Variants in WDR19 observed in about 807,000 individuals in gnomAD.
The protein encoded by WDR19 is WD repeat domain 19, also known as WD repeat-containing protein 19.
WDR19 carries 121 observed loss-of-function variants against 180.0 expected under a neutral mutation model. The observed-to-expected ratio is 0.67, with a 90% CI of 0.58 to 0.78. The LOEUF (loss-of-function observed/expected upper bound fraction) is 0.78. Ranked by LOEUF, WDR19 falls within the 30% of genes least tolerant of loss-of-function variation. The pLI is 0.00. For synonymous variants in WDR19, 497 were observed against 540.7 expected (o/e 0.92, Z 1.12); for missense variants, 1,450 against 1,640.7 (o/e 0.88, Z 2.01).
Position 39,185,763 on chromosome 4 carries a change from C to T in WDR19, c.44C>T (p.Ala15Val), listed in dbSNP as rs747580252. 1.4e-5 allele frequency: 22 copies of T among 1,559,470 alleles called. 2 individuals carry two copies. The South Asian group carries it at 2.5e-4, about 18-fold the overall frequency. Residue 15 changes from alanine (A) to valine (V), a missense_variant, in exon 2 of 37, where the codon GCA (alanine) becomes GTA (valine). Physicochemically the swap from Ala to Val is moderately conservative, Grantham distance 64. Transcript: ENST00000399820. Reference sequence around the variant, plus strand: ...CTGCTAGAAAAGACTTGGCTTGGCGCACCAATACAGTTTGCCTGGCAAAAA... The same window carrying T: ...CTGCTAGAAAAGACTTGGCTTGGCGTACCAATACAGTTTGCCTGGCAAAAA... ...FSLLEKTWLG[A>V]PIQFAWQKTS...
At chr4:39,214,477 A>C (rs2109322303) in intron 9 of WDR19, 124 bp from the exon 10 acceptor site, 1 of 563,440 alleles carries the variant, frequency 1.8e-6, no homozygotes, top group Admixed American at 3.6e-5. Flanking sequence ...AACCCAGTAG[A>C]TCATTCTGTA....
chr4:39,205,516 G>T, intron 8 of WDR19, 47 bp from the exon 9 acceptor site: 1 of 1,568,194 alleles, frequency 6.4e-7, no homozygotes, highest in Non-Finnish European at 8.6e-7. Flanking sequence ...TGTTGCCACT[G>T]ATAGCTAATC....
At chr4:39,218,389 C>CT in intron 14 of WDR19, 1 of 401,998 alleles carries the variant, frequency 2.5e-6, no homozygotes, top group Non-Finnish European at 4.5e-6. Flanking sequence ...GTGGTAGAGC[C>CT]TATTGCTCCT....
At chr4:39,185,902 GT>G (rs1047316810) in intron 2 of WDR19, 85 bp downstream of exon 2, 29 of 827,582 alleles carry the variant, frequency 3.5e-5, no homozygotes, top group Middle Eastern at 5.5e-4. Flanking sequence ...TTTTGTTGTT[GT>G]TTTTTTTTTT....
chr4:39,278,332 C>T, intron 35 of WDR19, 125 bp downstream of exon 35: 1 of 1,020,942 alleles, frequency 9.8e-7, no homozygotes, highest in Non-Finnish European at 1.4e-6. Flanking sequence ...CTCAAATTGT[C>T]TTCTGGGAAG....
intron 23 of WDR19, 50 bp downstream of exon 23, chr4:39,244,602 C>A (rs753066689): frequency 6.2e-7 from 1 of 1,602,938 alleles, no homozygotes. Context: ...AATGAATGTG[C>A]CTCTGGGGTC....
At chr4:39,214,729 TTG>T in intron 10 of WDR19, 58 bp downstream of exon 10, 1 of 1,124,104 alleles carries the variant, frequency 8.9e-7, no homozygotes, top group Non-Finnish European at 1.3e-6. Context: ...GAGAGTAAGG[TTG>T]TGTTTGTTAT....
In WDR19 at chr4:39,272,943, T is replaced by C. The variant is rs768313488; in HGVS notation, c.3484-37T>C. ...CAAAGCATGAATTGGGGCTAATCAA[T>C]GACTATAAGAAGAGTAAAATATGTC... On this transcript the variant is annotated intron_variant, in intron 31 of 36. Coordinates refer to ENST00000399820, the MANE Select transcript of WDR19 (RefSeq NM_025132.4). 8 of 1,505,360 alleles carry C rather than the reference T, an allele frequency of 5.3e-6. No homozygotes were observed. In the East Asian group the frequency reaches 1.7e-4, roughly 33 times the overall value. 93.3% of individuals were successfully genotyped at this position (1,505,360 alleles called of 1,614,324 possible).
intron 20 of WDR19, among the ~76,000 whole-genome samples, chr4:39,236,308 A>G (rs986703023): frequency 2.0e-5 from 3 of 152,072 alleles, no homozygotes; most frequent in Non-Finnish European, 4.4e-5. Context: ...CACACACACC[A>G]TAGAATACTA....
intron 14 of WDR19, among the ~76,000 whole-genome samples, chr4:39,224,153 C>T (rs1392312973): frequency 6.6e-6 from 1 of 152,042 alleles, no homozygotes; most frequent in Non-Finnish European, 1.5e-5. Context: ...TGCTAATATA[C>T]ATTCAGTTGA....
rs760312911 is a variant in WDR19 at position 39,270,091 on chromosome 4, A to G, written c.3474A>G (p.Ile1158Met). The G allele has an allele frequency of 4.9e-5, 79 of 1,613,656 alleles. No homozygotes were observed. In the Middle Eastern group the frequency reaches 4.9e-4, roughly 10 times the overall value. ...ACCTCATGATTCTGCACAGCTATAT[A>G]CTAGTAAAGGTGAGGCCCATGGAGT... ...ATNLMILHSY[I>M]LVKIHVKNGD... The change falls in exon 31 of 37, where the codon ATA (isoleucine) becomes ATG (methionine). Residue 1158 changes from isoleucine to methionine, a missense_variant. Coordinates refer to ENST00000399820, the MANE Select transcript of WDR19 (RefSeq NM_025132.4).
rs1365275451 is a variant in WDR19, at chr4:39,210,796, A to C, written c.891-3805A>C. Among the ~76,000 whole-genome samples, 3 of 152,234 alleles carry C rather than the reference A, an allele frequency of 2.0e-5. No individual in the cohort carries two copies. In the East Asian group the frequency reaches 5.8e-4, roughly 29 times the overall value. On this transcript the variant is annotated intron_variant, in intron 9 of 36. Coordinates refer to ENST00000399820, the MANE Select transcript of WDR19 (RefSeq NM_025132.4). ...AAAGTCCAGCACACCTTCATGATAA[A>C]AACTCTCAGCAAGTTAGGAATAGCA...
chr4:39,232,906 G>A (rs1438591915), intron 19 of WDR19, among the ~76,000 whole-genome samples: 1 of 152,042 alleles, frequency 6.6e-6, no homozygotes, highest in Non-Finnish European at 1.5e-5. Flanking sequence ...TTTTGTGGAG[G>A]TATAAAATGC....
At chr4:39,207,940 T>C (rs1372621237) in intron 9 of WDR19, among the ~76,000 whole-genome samples, 2 of 152,120 alleles carry the variant, frequency 1.3e-5, no homozygotes, top group Non-Finnish European at 2.9e-5. Flanking sequence ...GAAAATGCAA[T>C]ATATAAGACA....
Position 39,244,518 on chromosome 4 carries a change from A to G in WDR19, c.2611A>G (p.Lys871Glu). 6.2e-7 allele frequency: 1 copy of G among 1,614,028 alleles called. No homozygotes were observed. The highest frequency in any genetic ancestry group is 8.5e-7 in the Non-Finnish European group (1 of 1,179,892). ...QLYEKGLYYD[K>E]AASVYIRSKN... Reference sequence around the variant, plus strand: ...GTATGAAAAAGGTCTCTACTACGATAAAGCAGCATCTGTTTACATCCGCTC... The same window carrying G: ...GTATGAAAAAGGTCTCTACTACGATGAAGCAGCATCTGTTTACATCCGCTC... Residue 871 changes from lysine to glutamate, a missense_variant, in exon 23 of 37, where the codon AAA becomes GAA. Transcript: ENST00000399820.
intron 15 of WDR19, among the ~76,000 whole-genome samples, chr4:39,226,657 A>G (rs1203768835): frequency 6.6e-6 from 1 of 152,154 alleles, no homozygotes; most frequent in Non-Finnish European, 1.5e-5. Context: ...TAGTTTCTTC[A>G]TCTGTAAAAC....
intron 12 of WDR19, 83 bp from the exon 13 acceptor site, chr4:39,217,051 C>A: frequency 1.1e-6 from 1 of 900,934 alleles, no homozygotes; most frequent in Non-Finnish European, 1.7e-6. Context: ...TTTGCAAAAG[C>A]ACACCTTTTA....
chr4:39,220,514 CTCTTCT>C (rs200521111), intron 14 of WDR19, among the ~76,000 whole-genome samples: 5 of 128,306 alleles, frequency 3.9e-5, no homozygotes, highest in African/African-American at 1.4e-4. Context: ...TTTCTTTTTT[CTCTTCT>C]TCTTCTTCTT....
intron 24 of WDR19, among the ~76,000 whole-genome samples, chr4:39,248,342 C>T (rs1276443187): frequency 6.6e-6 from 1 of 152,146 alleles, no homozygotes; most frequent in African/African-American, 2.4e-5. Flanking sequence ...TACAAGAGCT[C>T]CTGAAGGAAG....
Sources: gnomAD v4.1 joint callset for allele counts (sites outside exome capture counted in the v4.1 genomes callset) on GRCh38, gnomAD v4.1.1 for gene constraint, MANE v1.5 for transcripts, NCBI Gene and HGNC (gene_info 2026-07-23, HGNC 2026-07-21) for gene names.